The following DYNC1I1 variants were observed in gnomAD, a reference collection of about 807,000 sequenced individuals.
DYNC1I1 encodes dynein cytoplasmic 1 intermediate chain 1.
In DYNC1I1, 43 loss-of-function variants were observed where a neutral mutation model predicts 86.6. The observed-to-expected ratio is 0.50, with a 90% CI of 0.39 to 0.64. The LOEUF (loss-of-function observed/expected upper bound fraction) is 0.64. Among genes scored for constraint, DYNC1I1 ranks in the 30% least tolerant of loss-of-function variants. The pLI, the probability that DYNC1I1 is intolerant of heterozygous loss-of-function variation, is 0.00. For synonymous variants in DYNC1I1, 262 were observed against 283.7 expected, an observed-to-expected ratio of 0.92 and a Z score of 0.77; for missense variants, 604 against 788.8, an observed-to-expected ratio of 0.77 and a Z score of 2.81.
intron 1 of DYNC1I1, among the ~76,000 whole-genome samples, chr7:95,795,386 A>G (rs193129605): frequency 5.9e-5 from 9 of 152,188 alleles, no homozygotes; most frequent in East Asian, 5.8e-4. Context: ...ACTGGATTAT[A>G]TAATCCTTGA....
At chr7:95,828,248 G>T in intron 5 of DYNC1I1, 132 bp downstream of exon 5, 2 of 970,152 alleles carry the variant, frequency 2.1e-6, no homozygotes, top group South Asian at 1.4e-5. Context: ...GTTTCCTTCT[G>T]TTGATTTTCC....
At position 95,819,141 on chromosome 7, in the gene DYNC1I1, C is replaced by G. The variant is rs182525572; in HGVS notation, c.314+5804C>G. ...TACAAAGGGAATGGATTAAAAGTCTCTTAGGCTTTCAGCTTCATGTGAATT... is the reference window on the plus strand; with the variant it reads ...TACAAAGGGAATGGATTAAAAGTCTGTTAGGCTTTCAGCTTCATGTGAATT... On this transcript the variant is annotated intron_variant, in intron 4 of 16. Transcript: ENST00000447467. 2.0e-5 allele frequency among the ~76,000 whole-genome samples: 3 copies of G among 152,266 alleles called. No homozygotes were observed. The East Asian group carries it at 5.8e-4, about 29-fold the overall frequency.
At chr7:96,106,343 G>C (rs1325848686) in intron 16 of DYNC1I1, among the ~76,000 whole-genome samples, 1 of 152,078 alleles carries the variant, frequency 6.6e-6, no homozygotes, top group African/African-American at 2.4e-5. Flanking sequence ...AGAGCAACCT[G>C]ACCAACATGG....
At chr7:96,064,029 T>C (rs1191018202) in intron 14 of DYNC1I1, among the ~76,000 whole-genome samples, 2 of 152,178 alleles carry the variant, frequency 1.3e-5, no homozygotes, top group African/African-American at 4.8e-5. Context: ...TGGCTGATGC[T>C]GAATGCAGAG....
At chr7:95,876,014 G>C (rs2116197930) in intron 6 of DYNC1I1, among the ~76,000 whole-genome samples, 1 of 152,182 alleles carries the variant, frequency 6.6e-6, no homozygotes, top group Middle Eastern at 3.4e-3. Context: ...ATATTTAAGG[G>C]AGATCCTCAC....
At chr7:95,887,808 G>A (rs1385466391) in intron 6 of DYNC1I1, among the ~76,000 whole-genome samples, 5 of 152,094 alleles carry the variant, frequency 3.3e-5, no homozygotes, top group Admixed American at 6.5e-5. Flanking sequence ...CAAGCCCCCC[G>A]GTATTGTATT....
chr7:96,036,083 C>T (rs1331890529), intron 13 of DYNC1I1, among the ~76,000 whole-genome samples: 2 of 152,202 alleles, frequency 1.3e-5, no homozygotes, highest in Admixed American at 1.3e-4. Flanking sequence ...TTTCTTATCC[C>T]TCCATGCCTC....
Position 96,093,306 on chromosome 7 carries a change from A to G in DYNC1I1, c.1777-4177A>G, listed in dbSNP as rs76911289. On this transcript the variant is annotated intron_variant, in intron 16 of 16. Coordinates refer to ENST00000447467, the MANE Select transcript of DYNC1I1 (RefSeq NM_001135556.2). ...CAGATATCATCATCCTTATTTTACAATTGAGGCAGTGAGAGGGTAAGTGCC... is the reference window on the plus strand; with the variant it reads ...CAGATATCATCATCCTTATTTTACAGTTGAGGCAGTGAGAGGGTAAGTGCC... Among the ~76,000 whole-genome samples, 362 of 152,278 alleles carry G rather than the reference A, an allele frequency of 2.4e-3. 3 individuals are homozygous for G. Among genetic ancestry groups the G allele is most frequent in the African/African-American group, 8.5e-3 (352 of 41,576 alleles).
chr7:95,807,641 C>A (rs1794733028), intron 2 of DYNC1I1, among the ~76,000 whole-genome samples: 1 of 152,096 alleles, frequency 6.6e-6, no homozygotes, highest in African/African-American at 2.4e-5. Context: ...TGATCTCCTA[C>A]TTCTTCCTAT....
chr7:95,809,602 C>G (rs965733410), intron 2 of DYNC1I1, among the ~76,000 whole-genome samples: 1 of 152,130 alleles, frequency 6.6e-6, no homozygotes, highest in South Asian at 2.1e-4. Flanking sequence ...CACCACAGAT[C>G]TTGTTTACCT....
intron 1 of DYNC1I1, among the ~76,000 whole-genome samples, chr7:95,796,337 T>G: frequency 6.6e-6 from 1 of 152,076 alleles, no homozygotes; most frequent in East Asian, 1.9e-4. Context: ...TTGACGGAGT[T>G]TCACTCTTGT....
At chr7:96,081,385 A>G (rs888896431) in intron 16 of DYNC1I1, among the ~76,000 whole-genome samples, 1 of 151,856 alleles carries the variant, frequency 6.6e-6, no homozygotes, top group African/African-American at 2.4e-5. Flanking sequence ...GAATTTGCAT[A>G]CGATCTTAAT....
At chr7:95,891,709 G>A (rs929386052) in intron 6 of DYNC1I1, among the ~76,000 whole-genome samples, 1 of 152,206 alleles carries the variant, frequency 6.6e-6, no homozygotes, top group African/African-American at 2.4e-5. Flanking sequence ...GGGAAAGGGA[G>A]CATGATGCAG....
chr7:95,841,827 C>A (rs926264469), intron 5 of DYNC1I1, among the ~76,000 whole-genome samples: 1 of 152,170 alleles, frequency 6.6e-6, no homozygotes, highest in South Asian at 2.1e-4. Flanking sequence ...CAATCTAACC[C>A]CTTCTAGGGA....
intron 14 of DYNC1I1, chr7:96,056,150 G>A (rs1345964826): frequency 6.6e-6 from 1 of 152,056 alleles, no homozygotes; most frequent in Non-Finnish European, 1.5e-5. Flanking sequence ...ATTTATGCCT[G>A]GTTGGTTTGA....
rs889535569 is a variant in DYNC1I1 at position 96,020,292 on chromosome 7, C to T, written c.970-7883C>T. 8.6e-5 allele frequency among the ~76,000 whole-genome samples: 13 copies of T among 152,020 alleles called. 1 individual carries two copies. Among genetic ancestry groups the T allele is most frequent in the Admixed American group, 6.6e-4 (10 of 15,252 alleles). On this transcript the variant is annotated intron_variant, in intron 10 of 16. Coordinates refer to ENST00000447467, the MANE Select transcript of DYNC1I1 (RefSeq NM_001135556.2). Reference sequence around the variant, plus strand: ...GGTTTAATATGGACTTACAGTTCCACATGGTTGGGGAAGCCTCACAATCAT... The same window carrying T: ...GGTTTAATATGGACTTACAGTTCCATATGGTTGGGGAAGCCTCACAATCAT...
intron 14 of DYNC1I1, among the ~76,000 whole-genome samples, chr7:96,062,838 A>G (rs529548386): frequency 2.5e-4 from 38 of 152,336 alleles, no homozygotes; most frequent in African/African-American, 9.1e-4. Flanking sequence ...CCGGTGCAGA[A>G]GACTTCTGTC....
intron 15 of DYNC1I1, among the ~76,000 whole-genome samples, chr7:96,079,777 AAGAG>A (rs746132415): frequency 1.3e-5 from 2 of 151,658 alleles, no homozygotes; most frequent in South Asian, 2.1e-4. Context: ...AAGAGAGAGA[AAGAG>A]AGAGAGAGAG....
At chr7:95,929,748 A>G (rs1022225021) in intron 6 of DYNC1I1, among the ~76,000 whole-genome samples, 4 of 152,170 alleles carry the variant, frequency 2.6e-5, no homozygotes, top group African/African-American at 9.7e-5. Context: ...ATTTTCTACA[A>G]ATGTCATCAT....
Sources: gnomAD v4.1 joint callset for allele counts (sites outside exome capture counted in the v4.1 genomes callset) on GRCh38, gnomAD v4.1.1 for gene constraint, MANE v1.5 for transcripts, NCBI Gene and HGNC (gene_info 2026-07-23, HGNC 2026-07-21) for gene names.